AFP: variants seen among roughly 807,000 people sequenced by gnomAD.
The protein encoded by AFP is alpha fetoprotein, also known as alpha-fetoprotein.
A neutral mutation model predicts 78.9 loss-of-function variants in AFP; 64 were observed. The observed-to-expected ratio is 0.81, with a 90% CI of 0.66 to 1.00. AFP has a LOEUF of 1.00. Ranked by LOEUF, AFP falls within the 50% of genes least tolerant of loss-of-function variation. The probability of loss-of-function intolerance (pLI) is 0.00; values close to 1 mark genes in which losing one functional copy is unlikely to be tolerated. For synonymous variants in AFP, 254 were observed against 243.8 expected, an observed-to-expected ratio of 1.04 and a Z score of -0.39; for missense variants, 689 against 703.8, an observed-to-expected ratio of 0.98 and a Z score of 0.24.
rs977198860 is a variant in AFP, at chr4:73,450,452, G to C, written c.1290-163G>C. ...ATAGGAGTACAGGGAGTGGTTGTTAGAGTAAATGCATCTCAAAAGTTGGTT... is the reference window on the plus strand; with the variant it reads ...ATAGGAGTACAGGGAGTGGTTGTTACAGTAAATGCATCTCAAAAGTTGGTT... On this transcript the variant is annotated intron_variant, in intron 10 of 14. Transcript: ENST00000395792. 3.3e-6 allele frequency: 3 copies of C among 918,164 alleles called. No individual in the cohort carries two copies. In the African/African-American group the frequency reaches 4.9e-5, roughly 15 times the overall value. The allele number at this position is 918,164 out of a possible 1,614,324, so 56.9% of individuals were successfully genotyped here.
rs531733213 is a variant in AFP at position 73,443,404 on chromosome 4, G to A, written c.673G>A (p.Ala225Thr). 4 of 1,613,696 alleles carry A rather than the reference G, an allele frequency of 2.5e-6. No individual in the cohort carries two copies. Among genetic ancestry groups the A allele is most frequent in the East Asian group, 4.5e-5 (2 of 44,840 alleles). ...ESSLLNQHAC[A>T]VMKNFGTRTF... is the part of the protein sequence containing the mutation. ...CAGCTTGTTAAATCAACATGCATGT[G>A]CAGTAATGAAAAATTTTGGGACCCG... is the stretch of plus-strand genomic sequence containing the variant. The change falls in exon 6 of 15, where the codon GCA (alanine) becomes ACA (threonine). Residue 225 changes from alanine (A) to threonine (T), a missense_variant. Coordinates refer to ENST00000395792, the MANE Select transcript of AFP (RefSeq NM_001134.3).
intron 11 of AFP, 116 bp from the exon 12 acceptor site, chr4:73,452,285 T>C (rs1720017333): frequency 1.2e-6 from 1 of 818,200 alleles, no homozygotes; most frequent in African/African-American, 1.7e-5. Context: ...TTTCCTGTAA[T>C]ATTAATTATA....
chr4:73,452,694 G>T lies in AFP; in HGVS notation c.1652+70G>T, dbSNP rs373050467. On this transcript the variant is annotated intron_variant, in intron 12 of 14. Coordinates refer to ENST00000395792, the MANE Select transcript of AFP (RefSeq NM_001134.3). The stretch of plus-strand genomic sequence containing the variant: ...AAAGAGTAACTGAGACTTCTACCTC[G>T]CTCACCTAACACTATTGGGCTCACT... 4.1e-6 allele frequency: 5 copies of T among 1,229,132 alleles called. No homozygotes were observed. The African/African-American group carries it at 4.5e-5, about 11-fold the overall frequency. 76.1% of individuals were successfully genotyped at this position (1,229,132 alleles called of 1,614,324 possible).
chr4:73,452,554 G>T lies in AFP; in HGVS notation c.1582G>T (p.Asp528Tyr). 6.2e-7 allele frequency: 1 copy of T among 1,614,050 alleles called. No homozygotes were observed. Among genetic ancestry groups the T allele is most frequent in the Non-Finnish European group, 8.5e-7 (1 of 1,179,972 alleles). The change falls in exon 12 of 15, where the codon GAT becomes TAT. Residue 528 changes from aspartate (D) to tyrosine (Y), a missense_variant. Transcript: ENST00000395792. Reference sequence around the variant, plus strand: ...AACATATGTCCCTCCTGCATTCTCTGATGACAAGTTCATTTTCCATAAGGA... The same window carrying T: ...AACATATGTCCCTCCTGCATTCTCTTATGACAAGTTCATTTTCCATAAGGA... ...DETYVPPAFS[D>Y]DKFIFHKDLC...
At position 73,447,518 on chromosome 4, in the gene AFP, A is replaced by C; in HGVS notation, c.900A>C (p.Thr300=). 1 of 1,612,470 alleles carries C rather than the reference A, an allele frequency of 6.2e-7. No homozygotes were observed. The highest frequency in any genetic ancestry group is 8.5e-7 in the Non-Finnish European group (1 of 1,179,542). ...SQQDTLSNKI[T]ECCKLTTLER... ...AAGACACTCTGTCAAACAAAATAAC[A>C]GAATGCTGCAAACTGACCACGCTGG... Residue 300 remains threonine (T), a synonymous_variant, in exon 8 of 15, where the codon ACA becomes ACC. Transcript: ENST00000395792.
Position 73,452,643 on chromosome 4 carries a change from C to A in AFP, c.1652+19C>A. ...AGCAAGAGTAAGAAACTGTTACTTG[C>A]TAGCATGGAAAAGAATGACAACCCC... On this transcript the variant is annotated intron_variant, in intron 12 of 14. Coordinates refer to ENST00000395792, the MANE Select transcript of AFP (RefSeq NM_001134.3). 2 of 1,575,960 alleles carry A rather than the reference C, an allele frequency of 1.3e-6. No individual in the cohort carries two copies. Among genetic ancestry groups the A allele is most frequent in the Non-Finnish European group, 1.7e-6 (2 of 1,146,990 alleles).
chr4:73,443,238 A>AT (rs1719721245), intron 5 of AFP, 109 bp from the exon 6 acceptor site: 1 of 821,524 alleles, frequency 1.2e-6, no homozygotes, highest in African/African-American at 1.7e-5. Flanking sequence ...TAAAAAACAT[A>AT]TTTTATGGAA....
intron 6 of AFP, 106 bp downstream of exon 6, chr4:73,443,550 C>G (rs1719736379): frequency 2.5e-6 from 2 of 810,678 alleles, no homozygotes; most frequent in Admixed American, 3.8e-5. Context: ...ATGAAGACCC[C>G]TTTGTGACCC....
At chr4:73,445,606 C>A (rs1455803830) in intron 7 of AFP, among the ~76,000 whole-genome samples, 1 of 152,122 alleles carries the variant, frequency 6.6e-6, no homozygotes, top group Non-Finnish European at 1.5e-5. Flanking sequence ...TTAGGGACTG[C>A]CTTGGTTTAC....
intron 7 of AFP, among the ~76,000 whole-genome samples, chr4:73,445,663 A>G (rs933012979): frequency 1.3e-5 from 2 of 152,204 alleles, no homozygotes; most frequent in Non-Finnish European, 2.9e-5. Context: ...GCATTCTATA[A>G]TAGTTTGTTA....
Position 73,447,510 on chromosome 4 carries a change from A to G in AFP, c.892A>G (p.Lys298Glu). Reference sequence around the variant, plus strand: ...TTCTCAACAAGACACTCTGTCAAACAAAATAACAGAATGCTGCAAACTGAC... The same window carrying G: ...TTCTCAACAAGACACTCTGTCAAACGAAATAACAGAATGCTGCAAACTGAC... ...ICSQQDTLSNKITECCKLTTL... is the reference protein window; with the variant it reads ...ICSQQDTLSNEITECCKLTTL... Residue 298 changes from lysine to glutamate, a missense_variant, in exon 8 of 15, where the codon AAA (lysine) becomes GAA (glutamate). By Grantham distance (56) the Lys-to-Glu change is moderately conservative (BLOSUM62 1). Coordinates refer to ENST00000395792, the MANE Select transcript of AFP (RefSeq NM_001134.3). 1.2e-6 allele frequency: 2 copies of G among 1,612,244 alleles called. No individual in the cohort carries two copies. Among genetic ancestry groups the G allele is most frequent in the Non-Finnish European group, 1.7e-6 (2 of 1,179,428 alleles).
intron 7 of AFP, among the ~76,000 whole-genome samples, chr4:73,445,610 G>T (rs1294298943): frequency 6.6e-6 from 1 of 152,114 alleles, no homozygotes; most frequent in East Asian, 1.9e-4. Flanking sequence ...GGACTGCCTT[G>T]GTTTACTGTT....
At chr4:73,436,520 G>T (rs759331611) in intron 1 of AFP, among the ~76,000 whole-genome samples, 173 bp downstream of exon 1, 1 of 151,696 alleles carries the variant, frequency 6.6e-6, no homozygotes, top group Non-Finnish European at 1.5e-5. Context: ...TTTACAAGAG[G>T]TTTACAAAGT....
chr4:73,440,008 T>G (rs942303178), intron 3 of AFP, among the ~76,000 whole-genome samples: 2 of 152,106 alleles, frequency 1.3e-5, no homozygotes, highest in African/African-American at 4.8e-5. Flanking sequence ...AGTTACATCT[T>G]TAATGAGAAT....
intron 12 of AFP, among the ~76,000 whole-genome samples, chr4:73,453,086 T>C (rs1271240459): frequency 6.6e-6 from 1 of 152,218 alleles, no homozygotes; most frequent in Non-Finnish European, 1.5e-5. Context: ...TTTCAGTTCA[T>C]TGTGGGAGCT....
At chr4:73,444,196 T>G (rs1719755572) in intron 6 of AFP, among the ~76,000 whole-genome samples, 1 of 152,150 alleles carries the variant, frequency 6.6e-6, no homozygotes, top group Non-Finnish European at 1.5e-5. Context: ...AAGTCAGATT[T>G]ATGCCTTAAC....
chr4:73,438,741 T>C (rs1429740866), intron 3 of AFP, among the ~76,000 whole-genome samples: 1 of 152,152 alleles, frequency 6.6e-6, no homozygotes, highest in Non-Finnish European at 1.5e-5. Context: ...AAATATTTTA[T>C]GACATAGGGG....
At chr4:73,438,436 G>C in intron 3 of AFP, 130 bp downstream of exon 3, 1 of 1,059,450 alleles carries the variant, frequency 9.4e-7, no homozygotes, top group Admixed American at 2.2e-5. Context: ...AGAGGGATTA[G>C]ATTCATTCTG....
rs371097295 is a variant in AFP at position 73,455,186 on chromosome 4, G to T, written c.1786-50G>T. 890 of 1,346,862 alleles carry T rather than the reference G, an allele frequency of 6.6e-4. 13 individuals carry two copies. In the South Asian group the frequency reaches 9.4e-3, roughly 14 times the overall value. The allele number at this position is 1,346,862 out of a possible 1,614,324, so 83.4% of individuals were successfully genotyped here. On this transcript the variant is annotated intron_variant, in intron 13 of 14. Transcript: ENST00000395792. ...ATTGTAGAGTGTTAACTGTATGATT[G>T]GTATAATAATCCATTTCTTTATCTG...
Sources: allele counts gnomAD v4.1 joint callset (sites outside exome capture counted in the v4.1 genomes callset), GRCh38; gene constraint gnomAD v4.1.1; transcripts MANE v1.5; gene names NCBI Gene and HGNC (gene_info 2026-07-23, HGNC 2026-07-21).